ODF2: variants seen among roughly 807,000 people sequenced by gnomAD.
ODF2 encodes the protein outer dense fiber protein 2.
ODF2 carries 47 observed loss-of-function variants against 110.2 expected under a neutral mutation model. That is an observed-to-expected ratio of 0.43 (90% confidence interval 0.34 to 0.54). The LOEUF (loss-of-function observed/expected upper bound fraction) is 0.54. Among genes scored for constraint, ODF2 ranks in the 20% least tolerant of loss-of-function variants. The pLI is 0.03. For synonymous variants in ODF2, 352 were observed against 397.7 expected, an observed-to-expected ratio of 0.89 and a Z score of 1.37; for missense variants, 812 against 1,054.5, an observed-to-expected ratio of 0.77 and a Z score of 3.19.
At chr9:128,455,452 G>C, upstream of ODF2, 1 of 336,672 alleles carries the variant, frequency 3.0e-6, no homozygotes, top group Non-Finnish European at 5.5e-6. Context: ...TACTCGGGAG[G>C]CTCAGGCAGG....
chr9:128,499,066 T>G (rs777806481), exon 20 of ODF2: 1 of 1,614,080 alleles, frequency 6.2e-7, no homozygotes, highest in East Asian at 2.2e-5. Context: ...TCCTGGACCT[T>G]GAGACCCAGC....
At chr9:128,481,443 C>G in intron 8 of ODF2, 137 bp from the exon 9 acceptor site, 2 of 586,414 alleles carry the variant, frequency 3.4e-6, no homozygotes, top group East Asian at 6.7e-5. Flanking sequence ...CACCACTGCA[C>G]TCCAGCCTGG....
intron 8 of ODF2, among the ~76,000 whole-genome samples, chr9:128,476,700 C>T (rs1254284754): frequency 3.3e-5 from 5 of 149,750 alleles, no homozygotes; most frequent in South Asian, 2.1e-4. Context: ...TGCAGTGGCA[C>T]GATATCGGCT....
intron 14 of ODF2, among the ~76,000 whole-genome samples, chr9:128,490,627 A>C (rs2132178516): frequency 6.6e-6 from 1 of 152,256 alleles, no homozygotes; most frequent in South Asian, 2.1e-4. Flanking sequence ...TCATAGTAAA[A>C]ATTCAAAACA....
At chr9:128,495,287 G>C (rs1186283008) in intron 17 of ODF2, among the ~76,000 whole-genome samples, 2 of 152,226 alleles carry the variant, frequency 1.3e-5, no homozygotes, top group African/African-American at 4.8e-5. Flanking sequence ...CTGTGTTCCT[G>C]CATTCTCTCA....
At position 128,485,216 on chromosome 9, in the gene ODF2, G is replaced by A; in HGVS notation, c.1291-149G>A. On this transcript the variant is annotated intron_variant, in intron 12 of 20. Transcript: ENST00000604420. The surrounding 1 kb of genome is among the most constrained non-coding windows in gnomAD (Gnocchi z 5.0). ...TGGGAGCACTAGCTGGGCTCCCACT[G>A]TTGCTTCCAGCGCCCTCTAGAAAGG... 1 of 614,698 alleles carries A rather than the reference G, an allele frequency of 1.6e-6. No homozygotes were observed. The highest frequency in any genetic ancestry group is 2.0e-5 in the South Asian group (1 of 49,780). The allele number at this position is 614,698 out of a possible 1,614,324, so 38.1% of individuals were successfully genotyped here. A position where few individuals can be genotyped will look rare whatever the true frequency, so the allele number is the denominator to read the frequency against.
chr9:128,501,225 T>C (rs1002566317), downstream of ODF2: 14 of 152,244 alleles, frequency 9.2e-5, no homozygotes, highest in Non-Finnish European at 1.5e-4. Flanking sequence ...GATGGGGTAG[T>C]GTACAGTATA....
intron 8 of ODF2, among the ~76,000 whole-genome samples, chr9:128,477,575 A>G (rs1841558235): frequency 6.6e-6 from 1 of 151,780 alleles, no homozygotes; most frequent in Admixed American, 6.6e-5. Flanking sequence ...TATAACAAGT[A>G]ATGTAAAGTG....
Position 128,496,039 on chromosome 9 carries a change from AG to A in ODF2, c.1912-1del. The A allele has an allele frequency of 1.2e-6, 2 of 1,613,788 alleles. No homozygotes were observed. Among genetic ancestry groups the A allele is most frequent in the Non-Finnish European group, 1.7e-6 (2 of 1,179,950 alleles). On this transcript the variant is annotated splice_acceptor_variant, in intron 17 of 20. Transcript: ENST00000604420. LOFTEE classifies it high-confidence loss of function. ...AACCAGTCTGTGTTCCTGTCATTTTAGATCGAACACCAGGGGGACAAGCTGG... is the reference window on the plus strand; with the variant it reads ...AACCAGTCTGTGTTCCTGTCATTTTAATCGAACACCAGGGGGACAAGCTGG...
At chr9:128,487,905 T>C (rs770616575) in exon 14 of ODF2, 1 of 1,614,062 alleles carries the variant, frequency 6.2e-7, no homozygotes, top group South Asian at 1.1e-5. Flanking sequence ...TAACAGATCT[T>C]GTAAACCAAC....
chr9:128,466,161 A>T (rs1837833164), intron 4 of ODF2, among the ~76,000 whole-genome samples: 2 of 150,420 alleles, frequency 1.3e-5, no homozygotes. Context: ...AAAAAAACGG[A>T]AAAGAAAAAC....
chr9:128,456,065 G>A (rs1261538907), upstream of ODF2: 2 of 1,512,576 alleles, frequency 1.3e-6, no homozygotes, highest in South Asian at 2.5e-5. Context: ...AAACCCAAGC[G>A]GCTCCCGGGG....
intron 20 of ODF2, among the ~76,000 whole-genome samples, chr9:128,499,598 CGTTTT>C (rs113483745): frequency 3.7e-4 from 56 of 151,714 alleles, no homozygotes; most frequent in African/African-American, 6.5e-4. Flanking sequence ...CCCAGACTCA[CGTTTT>C]GTTTTGTTTT....
rs1041477828 is a variant in ODF2, at chr9:128,482,813, C to T, written c.916-3C>T. On this transcript the variant is annotated splice_region_variant and splice_polypyrimidine_tract_variant and intron_variant, in intron 9 of 20. Coordinates refer to ENST00000604420, the Ensembl canonical transcript of ODF2. ...GCACCTGACAGCCTGTGTTCTCTCC[C>T]AGCGCCTGCTGTTACTGCTGCAAGA... is the stretch of plus-strand genomic sequence containing the variant. The T allele has an allele frequency of 1.9e-6, 3 of 1,613,362 alleles. No homozygotes were observed. In the African/African-American group the frequency reaches 4.0e-5, roughly 22 times the overall value.
At chr9:128,471,527 G>A (rs1839994221) in intron 6 of ODF2, 59 bp downstream of exon 6, 13 of 1,562,748 alleles carry the variant, frequency 8.3e-6, no homozygotes, top group Non-Finnish European at 1.1e-5. Flanking sequence ...GCTGCCTTGA[G>A]CCCTGGGCAA....
rs749398956 is a variant in ODF2, at chr9:128,494,615, T to C, written c.1858T>C (p.Tyr620His). ...TGAGTGCCAAGACCAACTGCAGGGC[T>C]ATGAGCGGAAGAACATCGACCTCAC... The change falls in exon 17 of 21, where the codon TAT (tyrosine) becomes CAT (histidine). Residue 620 changes from tyrosine (Y) to histidine (H), a missense_variant. Physicochemically the swap from Tyr to His is moderately conservative, Grantham distance 83 (BLOSUM62 2). Transcript: ENST00000604420. The surrounding 1 kb of genome is among the most constrained non-coding windows in gnomAD (Gnocchi z 4.6). 3 of 1,614,034 alleles carry C rather than the reference T, an allele frequency of 1.9e-6. No homozygotes were observed. Among genetic ancestry groups the C allele is most frequent in the Admixed American group, 1.7e-5 (1 of 59,996 alleles).
rs1327076330 is a variant in ODF2 at position 128,494,423 on chromosome 9, T to G, written c.1753-87T>G. 1 of 1,265,534 alleles carries G rather than the reference T, an allele frequency of 7.9e-7. No homozygotes were observed. Among genetic ancestry groups the G allele is most frequent in the East Asian group, 2.3e-5 (1 of 42,554 alleles). 78.4% of individuals were successfully genotyped at this position (1,265,534 alleles called of 1,614,324 possible). ...GACTGTGTCAGCCCTGCCCTAACTC[T>G]AAAGGACTCTGCCTGGCTCCACTAG... On this transcript the variant is annotated intron_variant, in intron 16 of 20. Transcript: ENST00000604420. The surrounding 1 kb of genome is among the most constrained non-coding windows in gnomAD (Gnocchi z 4.6).
intron 20 of ODF2, among the ~76,000 whole-genome samples, chr9:128,499,327 C>CA (rs1455837269): frequency 2.0e-5 from 3 of 152,136 alleles, no homozygotes; most frequent in Non-Finnish European, 4.4e-5. Flanking sequence ...CCTGTGTCAC[C>CA]CAGGCTGGAA....
chr9:128,492,961 T>C (rs1048598963), intron 16 of ODF2, among the ~76,000 whole-genome samples, 156 bp downstream of exon 16: 3 of 152,020 alleles, frequency 2.0e-5, no homozygotes, highest in African/African-American at 7.2e-5. Flanking sequence ...CTCTACCCTG[T>C]GCCTCTCTCT....
Sources: allele counts gnomAD v4.1 joint callset (sites outside exome capture counted in the v4.1 genomes callset), GRCh38; gene constraint gnomAD v4.1.1; non-coding constraint Gnocchi (gnomAD v3.1); transcripts MANE v1.5; gene names NCBI Gene and HGNC (gene_info 2026-07-23, HGNC 2026-07-21).